DNAH6: variants seen among roughly 807,000 people sequenced by gnomAD.
DNAH6 encodes axonemal beta dynein heavy chain 6.
In DNAH6, 340 loss-of-function variants were observed where a neutral mutation model predicts 491.4. That is an observed-to-expected ratio of 0.69 (90% CI 0.63 to 0.76). The LOEUF is 0.76. Among genes scored for constraint, DNAH6 ranks in the 30% least tolerant of loss-of-function variants. The pLI is 0.00. For missense variants in DNAH6, 4,443 were observed against 4,972.2 expected, an observed-to-expected ratio of 0.89 and a Z score of 3.20; for synonymous variants, 1,603 against 1,686.1, an observed-to-expected ratio of 0.95 and a Z score of 1.21.
chr2:84,787,313 C>T lies in DNAH6; in HGVS notation c.11239+11C>T. The T allele has an allele frequency of 6.5e-7, 1 of 1,544,978 alleles. No homozygotes were observed. The highest frequency in any genetic ancestry group is 1.7e-4 in the Middle Eastern group (1 of 5,976). On this transcript the variant is annotated intron_variant, in intron 68 of 76. Transcript: ENST00000389394. ...TAATTTACATTACTGGTGAGTACGT[C>T]CTTGTGGCCAGGCCTTCCATCTATG...
At chr2:84,621,934 C>A (rs1426048214) in intron 26 of DNAH6, among the ~76,000 whole-genome samples, 1 of 152,110 alleles carries the variant, frequency 6.6e-6, no homozygotes, top group Non-Finnish European at 1.5e-5. Flanking sequence ...GGCTCTAATT[C>A]TATTTCTGCT....
chr2:84,757,770 A>C lies in DNAH6; in HGVS notation c.10513-4985A>C, dbSNP rs1489970906. 1.5e-4 allele frequency among the ~76,000 whole-genome samples: 23 copies of C among 152,194 alleles called. 1 individual carries two copies. The highest frequency in any genetic ancestry group is 1.4e-3 in the Admixed American group (22 of 15,272). ...ACAACCCTTGGGCTGGCATGCATACATAACTCACTTCTATGGTACAGCCCC... is the reference window on the plus strand; with the variant it reads ...ACAACCCTTGGGCTGGCATGCATACCTAACTCACTTCTATGGTACAGCCCC... On this transcript the variant is annotated intron_variant, in intron 63 of 76. Transcript: ENST00000389394.
chr2:84,560,310 C>T (rs1474613378), intron 11 of DNAH6, among the ~76,000 whole-genome samples: 1 of 151,422 alleles, frequency 6.6e-6, no homozygotes, highest in Non-Finnish European at 1.5e-5. Context: ...TCAGACTTCT[C>T]AAAAACAACA....
chr2:84,687,319 G>A (rs1050890662), intron 44 of DNAH6, among the ~76,000 whole-genome samples: 1 of 152,062 alleles, frequency 6.6e-6, no homozygotes, highest in African/African-American at 2.4e-5. Context: ...TCTCCAAGAG[G>A]GCAGAGACCA....
intron 63 of DNAH6, among the ~76,000 whole-genome samples, chr2:84,755,196 A>G (rs1673880379): frequency 1.3e-5 from 2 of 152,224 alleles, no homozygotes; most frequent in African/African-American, 2.4e-5. Flanking sequence ...TGTCATTGTC[A>G]TATGAGTGAT....
At chr2:84,796,608 A>G (rs554106181) in intron 69 of DNAH6, among the ~76,000 whole-genome samples, 183 bp downstream of exon 69, 1 of 152,318 alleles carries the variant, frequency 6.6e-6, no homozygotes, top group Admixed American at 6.5e-5. Context: ...GATACATAGT[A>G]CATGGTAACT....
chr2:84,788,382 G>C (rs148477783), intron 68 of DNAH6, among the ~76,000 whole-genome samples: 2,013 of 152,268 alleles, frequency 0.013, 20 homozygotes, highest in Non-Finnish European at 0.022. Flanking sequence ...TAATTTGCCA[G>C]ACTGGTCTGT....
chr2:84,501,286 A>G, the DNAH6 span, among the ~76,000 whole-genome samples: 172 of 152,246 alleles, frequency 1.1e-3, 1 homozygote, highest in Non-Finnish European at 1.7e-3. Flanking sequence ...AAATGATCAT[A>G]TGGTTGTGTC....
chr2:84,796,417 C>A lies in DNAH6; in HGVS notation c.11351C>A (p.Ser3784Tyr). The change falls in exon 69 of 77, where the codon TCT becomes TAT. Residue 3784 changes from serine to tyrosine, a missense_variant. Ser to Tyr is a moderately radical substitution (Grantham distance 144, BLOSUM62 -2). Coordinates refer to ENST00000389394, the MANE Select transcript of DNAH6 (RefSeq NM_001370.2). Reference sequence around the variant, plus strand: ...ACATTAGAAGAAGATTATAAATACTCTGAATCAGGTGAATGACTTTTCAAT... The same window carrying A: ...ACATTAGAAGAAGATTATAAATACTATGAATCAGGTGAATGACTTTTCAAT... Reference protein sequence around the residue: ...PETLEEDYKYSESGIYFAPMA... With the variant: ...PETLEEDYKYYESGIYFAPMA... The A allele has an allele frequency of 2.0e-6, 3 of 1,518,298 alleles. No individual in the cohort carries two copies. The highest frequency in any genetic ancestry group is 1.3e-5 in the South Asian group (1 of 77,828). The allele number at this position is 1,518,298 out of a possible 1,614,324, so 94.1% of individuals were successfully genotyped here.
At chr2:84,522,948 C>A (rs1457869021) in intron 2 of DNAH6, among the ~76,000 whole-genome samples, 1 of 152,014 alleles carries the variant, frequency 6.6e-6, no homozygotes, top group Non-Finnish European at 1.5e-5. Flanking sequence ...GTGTCTCTGG[C>A]AAGTTTTCAC....
Position 84,553,042 on chromosome 2 carries a change from T to C in DNAH6, c.1602+8T>C, listed in dbSNP as rs762499242. The C allele has an allele frequency of 1.3e-6, 2 of 1,512,944 alleles. No individual in the cohort carries two copies. The highest frequency in any genetic ancestry group is 1.8e-6 in the Non-Finnish European group (2 of 1,102,492). The allele number at this position is 1,512,944 out of a possible 1,614,324, so 93.7% of individuals were successfully genotyped here. On this transcript the variant is annotated splice_region_variant and intron_variant, in intron 10 of 76. Transcript: ENST00000389394. Reference sequence around the variant, plus strand: ...TCTCTGGAAGACTTTCTGGTGTGTGTTTTTCATGTATTATCCACATGCAAG... The same window carrying C: ...TCTCTGGAAGACTTTCTGGTGTGTGCTTTTCATGTATTATCCACATGCAAG...
At chr2:84,800,137 A>G (rs1440857921) in intron 70 of DNAH6, among the ~76,000 whole-genome samples, 3 of 152,206 alleles carry the variant, frequency 2.0e-5, no homozygotes, top group Middle Eastern at 3.2e-3. Context: ...CTATGTAACC[A>G]AAGAACCCAT....
rs1404820400 is a variant in DNAH6 at position 84,713,228 on chromosome 2, C to A, written c.9512C>A (p.Thr3171Asn). 17 of 1,552,168 alleles carry A rather than the reference C, an allele frequency of 1.1e-5. No individual in the cohort carries two copies. The highest frequency in any genetic ancestry group is 1.5e-5 in the Non-Finnish European group (17 of 1,147,072). ...AAAAACTTTAGGTTCTATATGACAA[C>A]CAAAATGCCAAATCCCCACTATCTG... The part of the protein sequence containing the change: ...YDKNFRFYMT[T>N]KMPNPHYLPE... Residue 3171 changes from threonine to asparagine, a missense_variant, in exon 57 of 77, where the codon ACC becomes AAC. Thr to Asn is a moderately conservative substitution (Grantham distance 65, BLOSUM62 0). This residue lies in a region of DNAH6 where 1,463 missense variants were observed against 1,656.6 expected (regional missense o/e 0.88). Coordinates refer to ENST00000389394, the MANE Select transcript of DNAH6 (RefSeq NM_001370.2).
chr2:84,705,396 A>G (rs926992236), intron 51 of DNAH6, 90 bp from the exon 52 acceptor site: 2 of 1,201,846 alleles, frequency 1.7e-6, no homozygotes, highest in African/African-American at 1.5e-5. Context: ...ACTTATTGGG[A>G]TAATATCATA....
rs553623790 is a variant in DNAH6 at position 84,631,600 on chromosome 2, G to A, written c.4516-2904G>A. Among the ~76,000 whole-genome samples, 3 of 152,224 alleles carry A rather than the reference G, an allele frequency of 2.0e-5. No homozygotes were observed. In the South Asian group the frequency reaches 6.2e-4, roughly 32 times the overall value. ...AAAAATGTAGATATAGATACACAGA[G>A]AGAAGGCAGCCAAGTGAAGATACAC... On this transcript the variant is annotated intron_variant, in intron 29 of 76. Transcript: ENST00000389394.
intron 41 of DNAH6, among the ~76,000 whole-genome samples, chr2:84,677,656 C>A (rs562452008): frequency 6.6e-6 from 1 of 152,304 alleles, no homozygotes; most frequent in Non-Finnish European, 1.5e-5. Flanking sequence ...GCTACTTCCC[C>A]ATCCTTTATA....
At chr2:84,710,455 C>A in intron 56 of DNAH6, 43 bp downstream of exon 56, 1 of 1,542,648 alleles carries the variant, frequency 6.5e-7, no homozygotes, top group South Asian at 1.2e-5. Context: ...TCCCAACTTT[C>A]AAATCATATC....
At chr2:84,462,774 T>C in the DNAH6 span, among the ~76,000 whole-genome samples, 1 of 152,196 alleles carries the variant, frequency 6.6e-6, no homozygotes. Context: ...GCCTAACTGT[T>C]AAGGCTATGT....
At chr2:84,631,830 G>A (rs1188370715) in intron 29 of DNAH6, among the ~76,000 whole-genome samples, 1 of 152,182 alleles carries the variant, frequency 6.6e-6, no homozygotes, top group African/African-American at 2.4e-5. Flanking sequence ...AAGCCCTTCA[G>A]TTTATGGCAA....
Sources: allele counts gnomAD v4.1 joint callset (sites outside exome capture counted in the v4.1 genomes callset), GRCh38; gene constraint gnomAD v4.1.1; regional missense constraint gnomAD v4.1.1; transcripts MANE v1.5; gene names NCBI Gene and HGNC (gene_info 2026-07-23, HGNC 2026-07-21).